The following SIPA1L1 variants were observed in gnomAD, a reference collection of about 807,000 sequenced individuals.
SIPA1L1 encodes signal-induced proliferation-associated 1-like protein 1.
Under a neutral mutation model 162.7 loss-of-function variants are expected in SIPA1L1, and 26 were observed. The ratio of observed to expected loss-of-function variants is 0.16; its 90% CI spans 0.12 to 0.22. SIPA1L1 has a LOEUF of 0.22. Ranked by LOEUF, SIPA1L1 falls within the 10% of genes least tolerant of loss-of-function variation. The pLI, the probability that SIPA1L1 is intolerant of heterozygous loss-of-function variation, is 1.00. For synonymous variants in SIPA1L1, 829 were observed against 837.4 expected (o/e 0.99, Z 0.17); for missense variants, 1,874 against 2,241.0 (o/e 0.84, Z 3.31).
At chr14:71,362,942 G>C (rs1347877151) in intron 2 of SIPA1L1, among the ~76,000 whole-genome samples, 4 of 152,228 alleles carry the variant, frequency 2.6e-5, no homozygotes, top group African/African-American at 4.8e-5. Context: ...ATTTCCATCT[G>C]TTTGGTATTA....
rs535338446 is a variant in SIPA1L1, at chr14:71,530,720, C to G, written c.-303+1350C>G. ...AGGATATTTCTCTCTAACAGCAGTT[C>G]CCTTTCTTAATCCCCAAGAAGCCAC... On this transcript the variant is annotated intron_variant, in intron 4 of 23. Coordinates refer to ENST00000381232, the MANE Select transcript of SIPA1L1 (RefSeq NM_001386936.1). Among the ~76,000 whole-genome samples, 25 of 152,212 alleles carry G rather than the reference C, an allele frequency of 1.6e-4. 1 individual carries two copies. Among genetic ancestry groups the G allele is most frequent in the Non-Finnish European group, 1.6e-4 (11 of 68,038 alleles).
Position 71,724,823 on chromosome 14 carries a change from G to T in SIPA1L1, c.4602G>T (p.Gln1534His). The change falls in exon 19 of 24, where the codon CAG becomes CAT. Residue 1534 changes from glutamine to histidine, a missense_variant. Transcript: ENST00000381232. ...TTGAAAGCCCAACTCCTGAATCACA[G>T]AAGAGTTTTAAGGTACAAGACAGAG... ...IDLESPTPES[Q>H]KSFKFHALSS... 5.6e-6 allele frequency: 9 copies of T among 1,614,102 alleles called. No homozygotes were observed. Among genetic ancestry groups the T allele is most frequent in the Non-Finnish European group, 6.8e-6 (8 of 1,179,976 alleles).
chr14:71,694,023 T>G (rs1166313416), intron 13 of SIPA1L1, among the ~76,000 whole-genome samples: 1 of 152,226 alleles, frequency 6.6e-6, no homozygotes, highest in Non-Finnish European at 1.5e-5. Flanking sequence ...TTAATTAATC[T>G]TACCTAATCA....
chr14:71,527,851 G>A (rs2053039923), intron 3 of SIPA1L1, among the ~76,000 whole-genome samples: 1 of 152,084 alleles, frequency 6.6e-6, no homozygotes, highest in Non-Finnish European at 1.5e-5. Flanking sequence ...ATAGTTATGT[G>A]GTCTGAGGTT....
At chr14:71,546,715 G>T (rs937485455) in intron 4 of SIPA1L1, among the ~76,000 whole-genome samples, 1 of 152,078 alleles carries the variant, frequency 6.6e-6, no homozygotes, top group African/African-American at 2.4e-5. Flanking sequence ...GGTACAATAT[G>T]ACTAACCGTG....
At chr14:71,406,971 G>T (rs1313284496) in intron 2 of SIPA1L1, among the ~76,000 whole-genome samples, 1 of 152,150 alleles carries the variant, frequency 6.6e-6, no homozygotes, top group Non-Finnish European at 1.5e-5. Flanking sequence ...GCTGGGCGCG[G>T]TGGCTCACAC....
intron 5 of SIPA1L1, among the ~76,000 whole-genome samples, chr14:71,604,912 TG>T (rs1395332531): frequency 6.6e-6 from 1 of 152,190 alleles, no homozygotes; most frequent in Admixed American, 6.5e-5. Flanking sequence ...TTCCTGTATC[TG>T]GATATCTAAA....
intron 3 of SIPA1L1, among the ~76,000 whole-genome samples, chr14:71,518,519 T>A (rs150061330): frequency 1.4e-3 from 209 of 152,320 alleles, no homozygotes; most frequent in Non-Finnish European, 2.5e-3. Context: ...TCATGTGTAG[T>A]ATCTTGATTT....
intron 7 of SIPA1L1, among the ~76,000 whole-genome samples, chr14:71,638,477 T>C (rs1460697536): frequency 3.9e-5 from 6 of 152,204 alleles, no homozygotes. Context: ...AAGCATTTGA[T>C]AAAATTTGAA....
At chr14:71,728,191 AT>A (rs1228492477) in intron 19 of SIPA1L1, among the ~76,000 whole-genome samples, 1 of 152,204 alleles carries the variant, frequency 6.6e-6, no homozygotes, top group African/African-American at 2.4e-5. Flanking sequence ...CAGGAGCCTT[AT>A]GTGATAGTCC....
chr14:71,452,175 T>C (rs981762881), intron 2 of SIPA1L1, among the ~76,000 whole-genome samples: 48 of 150,504 alleles, frequency 3.2e-4, no homozygotes, highest in African/African-American at 1.1e-3. Context: ...AACCCCCCCC[T>C]CATGTTCTCT....
chr14:71,337,496 T>A (rs911627230), intron 2 of SIPA1L1, among the ~76,000 whole-genome samples: 1 of 151,984 alleles, frequency 6.6e-6, no homozygotes, highest in African/African-American at 2.4e-5. Context: ...CAAAGTTACG[T>A]CTTACATGGC....
chr14:71,620,796 C>G (rs1169287112), intron 6 of SIPA1L1, among the ~76,000 whole-genome samples: 7 of 152,218 alleles, frequency 4.6e-5, no homozygotes, highest in African/African-American at 1.7e-4. Flanking sequence ...GCTTTACTCC[C>G]TTGACCCGAA....
At chr14:71,407,844 G>A (rs1484894804) in intron 2 of SIPA1L1, among the ~76,000 whole-genome samples, 1 of 152,214 alleles carries the variant, frequency 6.6e-6, no homozygotes, top group Non-Finnish European at 1.5e-5. Flanking sequence ...AGCAGGGGGA[G>A]ATGGAGCTTA....
intron 4 of SIPA1L1, among the ~76,000 whole-genome samples, chr14:71,552,065 C>T (rs2055891050): frequency 6.6e-6 from 1 of 152,208 alleles, no homozygotes; most frequent in South Asian, 2.1e-4. Context: ...CCCTACTAGA[C>T]TGTAAGCCCC....
chr14:71,489,294 G>A (rs778302095), intron 2 of SIPA1L1, among the ~76,000 whole-genome samples: 1 of 152,200 alleles, frequency 6.6e-6, no homozygotes, highest in Non-Finnish European at 1.5e-5. Context: ...TGCCTTTGAA[G>A]CTAGATAACG....
chr14:71,396,155 T>TA (rs1272174127), intron 2 of SIPA1L1, among the ~76,000 whole-genome samples: 1 of 152,210 alleles, frequency 6.6e-6, no homozygotes, highest in African/African-American at 2.4e-5. Context: ...TCTAGCCACT[T>TA]ATCCATTTAT....
Position 71,724,699 on chromosome 14 carries a change from C to T in SIPA1L1, c.4478C>T (p.Ala1493Val). ...CATCAGAGCGATGGCAATGAAATAG[C>T]CCACACCAGGCTGCGTGCCTCAACC... ...KRHQSDGNEI[A>V]HTRLRASTRD... Residue 1493 changes from alanine (A) to valine (V), a missense_variant, in exon 19 of 24, where the codon GCC becomes GTC. Transcript: ENST00000381232. 1 of 1,614,028 alleles carries T rather than the reference C, an allele frequency of 6.2e-7. No homozygotes were observed. The highest frequency in any genetic ancestry group is 1.3e-5 in the African/African-American group (1 of 75,036).
chr14:71,555,096 C>T (rs1401069245), intron 4 of SIPA1L1, among the ~76,000 whole-genome samples: 1 of 152,190 alleles, frequency 6.6e-6, no homozygotes, highest in African/African-American at 2.4e-5. Context: ...TCTCCAGCTG[C>T]ATTAGCCCCT....
Sources: allele counts gnomAD v4.1 joint callset (sites outside exome capture counted in the v4.1 genomes callset), GRCh38; gene constraint gnomAD v4.1.1; transcripts MANE v1.5; gene names NCBI Gene and HGNC (gene_info 2026-07-23, HGNC 2026-07-21).